Variants in IGF2BP3 observed in about 807,000 individuals in gnomAD.
The protein encoded by IGF2BP3 is insulin-like growth factor 2 mRNA-binding protein 3.
IGF2BP3 carries 9 observed loss-of-function variants against 73.8 expected under a neutral mutation model. The observed-to-expected ratio is 0.12, with a 90% CI of 0.07 to 0.21. IGF2BP3 has a LOEUF of 0.21. IGF2BP3 is among the 10% of genes least tolerant of loss of function. IGF2BP3 has a pLI of 1.00. For synonymous variants in IGF2BP3, 258 were observed against 256.7 expected (o/e 1.01, Z -0.05); for missense variants, 542 against 714.0 (o/e 0.76, Z 2.75).
chr7:23,425,246 C>G (rs540903503), intron 2 of IGF2BP3, among the ~76,000 whole-genome samples: 415 of 152,218 alleles, frequency 2.7e-3, no homozygotes, highest in Non-Finnish European at 5.1e-3. Context: ...AAGAGTTTCC[C>G]CTCACTGTTT....
chr7:23,392,515 TACACACAC>T (rs999095640), intron 3 of IGF2BP3, among the ~76,000 whole-genome samples: 1 of 146,590 alleles, frequency 6.8e-6, no homozygotes, highest in Non-Finnish European at 1.5e-5. Context: ...CACATATATA[TACACACAC>T]ACATACACAC....
intron 6 of IGF2BP3, 191 bp from the exon 7 acceptor site, chr7:23,347,925 T>C (rs1784873049): frequency 5.4e-6 from 3 of 557,906 alleles, no homozygotes; most frequent in South Asian, 5.3e-5. Flanking sequence ...TCTAGGAACA[T>C]TCCCCTTTCT....
At chr7:23,421,851 C>G (rs1446087502) in intron 2 of IGF2BP3, among the ~76,000 whole-genome samples, 7 of 151,994 alleles carry the variant, frequency 4.6e-5, no homozygotes, top group Non-Finnish European at 8.8e-5. Flanking sequence ...GTGGCGTGGT[C>G]TTAGCTCACT....
At chr7:23,458,416 C>T (rs1311737767) in intron 2 of IGF2BP3, among the ~76,000 whole-genome samples, 2 of 152,042 alleles carry the variant, frequency 1.3e-5, no homozygotes, top group Non-Finnish European at 2.9e-5. Flanking sequence ...CAGTATCTCA[C>T]ATTCAAGACA....
intron 12 of IGF2BP3, among the ~76,000 whole-genome samples, chr7:23,314,453 C>G (rs999496332): frequency 2.0e-5 from 3 of 151,834 alleles, no homozygotes; most frequent in Non-Finnish European, 4.4e-5. Flanking sequence ...TCCAAAAGTG[C>G]TAGAATTACA....
intron 2 of IGF2BP3, among the ~76,000 whole-genome samples, chr7:23,430,000 G>A (rs905394431): frequency 1.3e-5 from 2 of 151,936 alleles, no homozygotes; most frequent in Non-Finnish European, 2.9e-5. Context: ...TGCTTTATAA[G>A]ACAGATACTG....
chr7:23,385,469 T>C (rs1786053097), intron 3 of IGF2BP3, among the ~76,000 whole-genome samples: 1 of 152,162 alleles, frequency 6.6e-6, no homozygotes, highest in Non-Finnish European at 1.5e-5. Flanking sequence ...ATTTTTAAAA[T>C]TTAAGGTTGA....
intron 10 of IGF2BP3, among the ~76,000 whole-genome samples, chr7:23,322,054 A>G (rs1027949633): frequency 5.9e-5 from 9 of 152,234 alleles, no homozygotes; most frequent in Admixed American, 1.3e-4. Context: ...CTCACCAGCA[A>G]CAGAGCAAAG....
At chr7:23,316,547 T>C in intron 12 of IGF2BP3, among the ~76,000 whole-genome samples, 1 of 151,914 alleles carries the variant, frequency 6.6e-6, no homozygotes. Flanking sequence ...TGGCGGCACA[T>C]GCCTGTAATC....
chr7:23,367,009 T>TAA, intron 3 of IGF2BP3, among the ~76,000 whole-genome samples: 1 of 147,968 alleles, frequency 6.8e-6, no homozygotes, highest in African/African-American at 2.5e-5. Context: ...TTTTTTTTTT[T>TAA]AAAGACAGAG....
chr7:23,356,192 A>G (rs1785092084), intron 5 of IGF2BP3, among the ~76,000 whole-genome samples: 1 of 152,162 alleles, frequency 6.6e-6, no homozygotes, highest in Non-Finnish European at 1.5e-5. Flanking sequence ...TCCAAAGGTC[A>G]TTTTCCTTTT....
chr7:23,396,033 T>G (rs910133167), intron 3 of IGF2BP3, among the ~76,000 whole-genome samples: 1 of 116,310 alleles, frequency 8.6e-6, no homozygotes, highest in African/African-American at 3.1e-5. Flanking sequence ...CACAAAAAAA[T>G]CCAGTGAGTT....
chr7:23,363,790 T>A (rs1785293958), intron 3 of IGF2BP3, among the ~76,000 whole-genome samples: 1 of 152,242 alleles, frequency 6.6e-6, no homozygotes, highest in African/African-American at 2.4e-5. Flanking sequence ...TGGTATATCT[T>A]ATAGGAAGAG....
At chr7:23,404,165 C>T (rs575492068) in intron 3 of IGF2BP3, among the ~76,000 whole-genome samples, 3 of 151,018 alleles carry the variant, frequency 2.0e-5, no homozygotes, top group African/African-American at 7.3e-5. Context: ...AAAAGAGGTT[C>T]GCATATTGCT....
chr7:23,330,072 G>A (rs1375826083), intron 10 of IGF2BP3, among the ~76,000 whole-genome samples: 3 of 151,992 alleles, frequency 2.0e-5, no homozygotes, highest in African/African-American at 7.3e-5. Flanking sequence ...AGATCACAAG[G>A]TCAGGAGTTC....
At chr7:23,320,644 T>C (rs1439414988) in intron 10 of IGF2BP3, among the ~76,000 whole-genome samples, 1 of 115,340 alleles carries the variant, frequency 8.7e-6, no homozygotes, top group Non-Finnish European at 1.8e-5. Flanking sequence ...TGCTTTTGTT[T>C]AAAAAAAAAA....
At chr7:23,466,428 T>C (rs1409666021) in intron 2 of IGF2BP3, among the ~76,000 whole-genome samples, 2 of 152,242 alleles carry the variant, frequency 1.3e-5, no homozygotes, top group African/African-American at 2.4e-5. Context: ...GTTAGTAAGA[T>C]AGTACTGTAT....
chr7:23,328,585 C>G (rs552458432), intron 10 of IGF2BP3, among the ~76,000 whole-genome samples: 10 of 152,092 alleles, frequency 6.6e-5, no homozygotes, highest in African/African-American at 1.4e-4. Flanking sequence ...TAACTTTTGC[C>G]TATTTTCCAA....
chr7:23,447,052 A>C (rs1788083028), intron 2 of IGF2BP3, among the ~76,000 whole-genome samples: 2 of 151,958 alleles, frequency 1.3e-5, no homozygotes, highest in Admixed American at 6.6e-5. Flanking sequence ...AAAATACAAA[A>C]AATTAGTCAA....
Sources: gnomAD v4.1 joint callset for allele counts (sites outside exome capture counted in the v4.1 genomes callset) on GRCh38, gnomAD v4.1.1 for gene constraint, MANE v1.5 for transcripts, NCBI Gene and HGNC (gene_info 2026-07-23, HGNC 2026-07-21) for gene names.